Variants in LEKR1 observed in about 807,000 individuals in gnomAD.
The protein encoded by LEKR1 is protein LEKR1.
LEKR1 carries 59 observed loss-of-function variants against 72.4 expected under a neutral mutation model. The ratio of observed to expected loss-of-function variants is 0.82; its 90% CI spans 0.66 to 1.01. The LOEUF is 1.01. Ranked by LOEUF, LEKR1 falls within the 50% of genes least tolerant of loss-of-function variation. LEKR1 has a pLI of 0.00. For missense variants in LEKR1, 728 were observed against 759.2 expected, an observed-to-expected ratio of 0.96 and a Z score of 0.48; for synonymous variants, 257 against 263.2, an observed-to-expected ratio of 0.98 and a Z score of 0.23.
chr3:156,911,148 C>G (rs1421692429), intron 3 of LEKR1, among the ~76,000 whole-genome samples: 2 of 151,508 alleles, frequency 1.3e-5, no homozygotes, highest in Non-Finnish European at 2.9e-5. Flanking sequence ...TGTATGTCTT[C>G]TTTTGAGAAA....
chr3:157,032,234 C>A (rs893440211), intron 12 of LEKR1, among the ~76,000 whole-genome samples: 1 of 152,148 alleles, frequency 6.6e-6, no homozygotes, highest in Non-Finnish European at 1.5e-5. Flanking sequence ...CTATTACGGA[C>A]CTTGTTGTGA....
chr3:156,965,051 C>A (rs1728448538), intron 6 of LEKR1, among the ~76,000 whole-genome samples: 1 of 152,092 alleles, frequency 6.6e-6, no homozygotes, highest in African/African-American at 2.4e-5. Context: ...CTTATAAATA[C>A]ATGTGATTGT....
At chr3:156,967,038 C>T (rs1560113341) in intron 6 of LEKR1, among the ~76,000 whole-genome samples, 1 of 152,182 alleles carries the variant, frequency 6.6e-6, no homozygotes, top group Non-Finnish European at 1.5e-5. Context: ...GGACCTCCAG[C>T]AAACTCCAAC....
At chr3:156,972,615 TTATATAAGGACAAATTTATATGTAATA>T (rs1729323520) in intron 6 of LEKR1, among the ~76,000 whole-genome samples, 1 of 151,354 alleles carries the variant, frequency 6.6e-6, no homozygotes, top group African/African-American at 2.4e-5. Context: ...TGATTGTAAT[TTATATAAGGACAAATTTATATGTAATA>T]TATATAAGGA....
intron 3 of LEKR1, among the ~76,000 whole-genome samples, chr3:156,905,680 A>G (rs1722455615): frequency 6.6e-6 from 1 of 152,134 alleles, no homozygotes; most frequent in South Asian, 2.1e-4. Context: ...TAAATACTAA[A>G]TGATTTATCT....
At chr3:156,846,188 T>G (rs1412938440) in intron 2 of LEKR1, among the ~76,000 whole-genome samples, 1 of 152,204 alleles carries the variant, frequency 6.6e-6, no homozygotes, top group African/African-American at 2.4e-5. Context: ...CATGCAACCT[T>G]GCTGAACTTA....
At chr3:156,915,133 A>G (rs1000709409) in intron 3 of LEKR1, among the ~76,000 whole-genome samples, 4 of 151,676 alleles carry the variant, frequency 2.6e-5, no homozygotes, top group African/African-American at 9.7e-5. Context: ...TTCTTTTTTT[A>G]TGGCTGTATC....
intron 3 of LEKR1, among the ~76,000 whole-genome samples, chr3:156,866,519 C>T (rs1394356879): frequency 3.3e-5 from 5 of 152,048 alleles, no homozygotes; most frequent in African/African-American, 1.2e-4. Flanking sequence ...TGTCCCCACC[C>T]TGAAATGCCT....
intron 12 of LEKR1, among the ~76,000 whole-genome samples, chr3:157,041,698 A>G (rs980962242): frequency 2.0e-5 from 3 of 151,842 alleles, no homozygotes; most frequent in Non-Finnish European, 4.4e-5. Context: ...TTACAATCCA[A>G]TGATTCTATT....
chr3:156,852,896 T>C lies in LEKR1; in HGVS notation c.177T>C (p.Asp59=). ...TGAAATTTTATCAAGGAAGTGTAGA[T>C]CGTGAAAAGAGACTTCAAGAAAAGC... ...KEMKFYQGSV[D]REKRLQEKLH... is the part of the protein sequence containing the mutation. The change falls in exon 3 of 13, where the codon GAT becomes GAC. Residue 59 remains aspartate, a synonymous_variant. Coordinates refer to ENST00000356539, the MANE Select transcript of LEKR1 (RefSeq NM_001004316.3). 6.5e-7 allele frequency: 1 copy of C among 1,535,388 alleles called. No homozygotes were observed. The highest frequency in any genetic ancestry group is 8.7e-7 in the Non-Finnish European group (1 of 1,145,668).
intron 7 of LEKR1, among the ~76,000 whole-genome samples, chr3:156,980,584 T>C (rs904628254): frequency 1.6e-4 from 25 of 151,814 alleles, no homozygotes; most frequent in African/African-American, 6.1e-4. Flanking sequence ...AAAAAATCGT[T>C]GTTGCTGTCC....
chr3:156,890,682 A>G (rs1398180449), intron 3 of LEKR1, among the ~76,000 whole-genome samples: 2 of 152,074 alleles, frequency 1.3e-5, no homozygotes, highest in African/African-American at 2.4e-5. Context: ...GGAATCAGTA[A>G]GTTTAATGTA....
At chr3:157,007,991 C>G (rs1379039078) in intron 9 of LEKR1, among the ~76,000 whole-genome samples, 2 of 152,186 alleles carry the variant, frequency 1.3e-5, no homozygotes, top group Non-Finnish European at 2.9e-5. Context: ...GCAAAGGAGA[C>G]AGGAATGGCC....
chr3:156,826,402 C>T (rs1165242599), intron 1 of LEKR1, 26 bp downstream of exon 1: 1 of 153,086 alleles, frequency 6.5e-6, no homozygotes, highest in Non-Finnish European at 1.5e-5. Context: ...TTTCCTCAGC[C>T]TGGGATGACC....
chr3:156,850,419 A>G (rs144637143), intron 2 of LEKR1, among the ~76,000 whole-genome samples: 3 of 152,226 alleles, frequency 2.0e-5, no homozygotes, highest in Non-Finnish European at 4.4e-5. Flanking sequence ...ATGAATTCCA[A>G]ATGGCAAGTA....
chr3:156,962,173 C>T (rs1394701860), intron 6 of LEKR1, among the ~76,000 whole-genome samples: 2 of 152,186 alleles, frequency 1.3e-5, no homozygotes, highest in Non-Finnish European at 2.9e-5. Flanking sequence ...CACAGATCCA[C>T]AAGGACCTTA....
At chr3:156,910,042 T>C (rs908706297) in intron 3 of LEKR1, among the ~76,000 whole-genome samples, 1 of 152,168 alleles carries the variant, frequency 6.6e-6, no homozygotes, top group Non-Finnish European at 1.5e-5. Context: ...CTTAGTATGC[T>C]AAGAGAAATA....
chr3:156,875,981 A>G (rs934551995), intron 3 of LEKR1, among the ~76,000 whole-genome samples: 12 of 124,844 alleles, frequency 9.6e-5, no homozygotes, highest in African/African-American at 3.6e-4. Context: ...GGCAACAGCG[A>G]GACTCCATCT....
chr3:156,957,469 A>G (rs1727749085), intron 6 of LEKR1, among the ~76,000 whole-genome samples: 1 of 147,674 alleles, frequency 6.8e-6, no homozygotes, highest in South Asian at 2.1e-4. Context: ...ACTATCTTCA[A>G]AAAAGAAAAA....
Sources: allele counts gnomAD v4.1 joint callset (sites outside exome capture counted in the v4.1 genomes callset), GRCh38; gene constraint gnomAD v4.1.1; transcripts MANE v1.5; gene names NCBI Gene and HGNC (gene_info 2026-07-23, HGNC 2026-07-21).